The following TYW1 variants were observed in gnomAD, a reference collection of about 807,000 sequenced individuals.
TYW1 encodes the protein tRNA-yW synthesizing protein 1 homolog.
Under a neutral mutation model 96.2 loss-of-function variants are expected in TYW1, and 46 were observed. That is an observed-to-expected ratio of 0.48 (90% CI 0.38 to 0.61). TYW1 has a LOEUF of 0.61. Ranked by LOEUF, TYW1 falls within the 20% of genes least tolerant of loss-of-function variation. The pLI is 0.00. For missense variants in TYW1, 684 were observed against 909.6 expected (o/e 0.75, Z 3.19); for synonymous variants, 274 against 323.0 (o/e 0.85, Z 1.63).
rs564407434 is a variant in TYW1, at chr7:67,208,778, G to A, written c.1977+13441G>A. ...CATTTACATGACCTTTAAAGATCCC[G>A]CATTAAATTTGTAAGATTTTCACAA... is the stretch of plus-strand genomic sequence containing the variant. On this transcript the variant is annotated intron_variant, in intron 15 of 15. Transcript: ENST00000359626. Among the ~76,000 whole-genome samples, 5 of 150,858 alleles carry A rather than the reference G, an allele frequency of 3.3e-5. No individual in the cohort carries two copies. The East Asian group carries it at 7.8e-4, about 24-fold the overall frequency.
chr7:67,134,167 ATAAT>A (rs1798174282), intron 13 of TYW1, among the ~76,000 whole-genome samples: 2 of 152,232 alleles, frequency 1.3e-5, no homozygotes, highest in South Asian at 4.1e-4. Context: ...GATTAATATA[ATAAT>A]TCATGCATCC....
intron 13 of TYW1, among the ~76,000 whole-genome samples, chr7:67,148,320 T>G (rs1798672048): frequency 6.6e-6 from 1 of 151,962 alleles, no homozygotes; most frequent in Non-Finnish European, 1.5e-5. Context: ...GTAAATGGTT[T>G]GTACTCGTTC....
intron 15 of TYW1, among the ~76,000 whole-genome samples, chr7:67,238,044 C>G (rs1402618346): frequency 6.6e-6 from 1 of 151,812 alleles, no homozygotes; most frequent in Admixed American, 6.6e-5. Flanking sequence ...AGCGGGACTG[C>G]TTGAGATAAA....
chr7:67,114,115 A>G (rs1387178869), intron 12 of TYW1, among the ~76,000 whole-genome samples: 1 of 152,148 alleles, frequency 6.6e-6, no homozygotes, highest in African/African-American at 2.4e-5. Context: ...TGAGTGGTAA[A>G]TAATTCTCTC....
chr7:67,102,654 G>T (rs528140476), intron 12 of TYW1, among the ~76,000 whole-genome samples: 1 of 152,002 alleles, frequency 6.6e-6, no homozygotes, highest in South Asian at 2.1e-4. Flanking sequence ...TACACTTTTG[G>T]AATTTTTTTT....
rs138347347 is a variant in TYW1 at position 67,238,321 on chromosome 7, G to C, written c.1991G>C (p.Gly664Ala). Residue 664 changes from glycine to alanine, a missense_variant, in exon 16 of 16, where the codon GGT becomes GCT. Gly to Ala is a moderately conservative substitution (Grantham distance 60, BLOSUM62 0). Transcript: ENST00000359626. ...TTTTCTTTCCAGTTTAAAATTGGTG[G>C]TGAATGGTGGACATGGATCGATTAT... ...LIAHRKFKIG[G>A]EWWTWIDYNR... is the part of the protein sequence containing the mutation. The C allele has an allele frequency of 1.2e-4, 189 of 1,604,678 alleles. No homozygotes were observed. The African/African-American group carries it at 2.2e-3, about 19-fold the overall frequency.
At chr7:67,125,331 A>G (rs762983274) in intron 13 of TYW1, among the ~76,000 whole-genome samples, 8 of 150,390 alleles carry the variant, frequency 5.3e-5, no homozygotes, top group South Asian at 2.1e-4. Context: ...TTATTTTTCA[A>G]TTTGGTCTGT....
At chr7:67,064,129 A>C (rs567146769) in intron 9 of TYW1, among the ~76,000 whole-genome samples, 1 of 152,152 alleles carries the variant, frequency 6.6e-6, no homozygotes, top group Non-Finnish European at 1.5e-5. Flanking sequence ...ATTCTCCCCA[A>C]ATTGATTCTG....
chr7:67,016,528 CAA>C lies in TYW1; in HGVS notation c.571-1324_571-1323del, dbSNP rs942239351. Among the ~76,000 whole-genome samples, 7 of 151,774 alleles carry C rather than the reference CAA, an allele frequency of 4.6e-5. No homozygotes were observed. In the East Asian group the frequency reaches 9.7e-4, roughly 21 times the overall value. On this transcript the variant is annotated intron_variant, in intron 5 of 15. Transcript: ENST00000359626. ...TGCCATTGCACTCCAGCCTTGGTAA[CAA>C]GAGTGAAACTCTGTCTCAAAAAAAA...
At chr7:67,134,466 CG>C (rs1798182554) in intron 13 of TYW1, among the ~76,000 whole-genome samples, 1 of 151,576 alleles carries the variant, frequency 6.6e-6, no homozygotes, top group Non-Finnish European at 1.5e-5. Flanking sequence ...CGCTTGAACC[CG>C]GGAGATGGAG....
chr7:67,011,044 T>A (rs1289686429), intron 4 of TYW1, among the ~76,000 whole-genome samples: 1 of 152,064 alleles, frequency 6.6e-6, no homozygotes, highest in Non-Finnish European at 1.5e-5. Context: ...CATTAGTTAA[T>A]GTCTTTTTTT....
At chr7:67,235,202 C>T (rs1007333891) in intron 15 of TYW1, among the ~76,000 whole-genome samples, 12 of 152,218 alleles carry the variant, frequency 7.9e-5, no homozygotes, top group African/African-American at 1.2e-4. Flanking sequence ...GACTCCTCTA[C>T]AGGGCCAAGC....
chr7:67,152,839 G>A (rs1345980356), intron 13 of TYW1, among the ~76,000 whole-genome samples: 1 of 152,132 alleles, frequency 6.6e-6, no homozygotes, highest in Non-Finnish European at 1.5e-5. Context: ...GACCTCTGGT[G>A]ATCCGCCTGC....
chr7:67,189,451 GTGTGTT>G (rs143615164), intron 14 of TYW1, among the ~76,000 whole-genome samples: 18,873 of 151,976 alleles, frequency 0.12, 1,413 homozygotes, highest in East Asian at 0.26. Context: ...ATGTATGTGT[GTGTGTT>G]TGTGTTTGTG....
rs1225513478 is a variant in TYW1 at position 67,093,634 on chromosome 7, A to T, written c.1385-4907A>T. Reference sequence around the variant, plus strand: ...AACGTAGAATGAGCTTAAGGATCAAATTTTATTTGAAAACCTTGTTTTACT... The same window carrying T: ...AACGTAGAATGAGCTTAAGGATCAATTTTTATTTGAAAACCTTGTTTTACT... On this transcript the variant is annotated intron_variant, in intron 11 of 15. Transcript: ENST00000359626. Among the ~76,000 whole-genome samples, 4 of 152,180 alleles carry T rather than the reference A, an allele frequency of 2.6e-5. No homozygotes were observed. The South Asian group carries it at 8.3e-4, about 31-fold the overall frequency.
chr7:67,127,415 C>T (rs1227708513), intron 13 of TYW1, among the ~76,000 whole-genome samples: 3 of 152,104 alleles, frequency 2.0e-5, no homozygotes, highest in Non-Finnish European at 2.9e-5. Flanking sequence ...CTGGCTCGGC[C>T]TCCCAAAGTG....
At chr7:67,052,880 A>G (rs2115570504) in intron 8 of TYW1, among the ~76,000 whole-genome samples, 1 of 151,810 alleles carries the variant, frequency 6.6e-6, no homozygotes, top group African/African-American at 2.4e-5. Flanking sequence ...CTCCTGAGTA[A>G]TTGCGTGCCC....
chr7:67,239,244 A>G lies in TYW1; in HGVS notation c.*715A>G, dbSNP rs1020890878. 69 of 985,376 alleles carry G rather than the reference A, an allele frequency of 7.0e-5. No individual in the cohort carries two copies. Among genetic ancestry groups the G allele is most frequent in the Non-Finnish European group, 8.1e-5 (67 of 829,982 alleles). 61.0% of individuals were successfully genotyped at this position (985,376 alleles called of 1,614,324 possible). ...AGTGGCCATGTGAGGGCATGGAGTCATTAGTCTCACAAACACACTTTGGAC... is the reference window on the plus strand; with the variant it reads ...AGTGGCCATGTGAGGGCATGGAGTCGTTAGTCTCACAAACACACTTTGGAC... On this transcript the variant is annotated 3_prime_UTR_variant, in exon 16 of 16. Coordinates refer to ENST00000359626, the MANE Select transcript of TYW1 (RefSeq NM_018264.4).
chr7:67,131,848 T>G (rs1048043738), intron 13 of TYW1, among the ~76,000 whole-genome samples: 29 of 152,064 alleles, frequency 1.9e-4, no homozygotes, highest in Admixed American at 4.6e-4. Context: ...GCTGAAGAAC[T>G]TGGAGTTTGA....
Sources: gnomAD v4.1 joint callset for allele counts (sites outside exome capture counted in the v4.1 genomes callset) on GRCh38, gnomAD v4.1.1 for gene constraint, MANE v1.5 for transcripts, NCBI Gene and HGNC (gene_info 2026-07-23, HGNC 2026-07-21) for gene names.